SLC4A4: variants seen among roughly 807,000 people sequenced by gnomAD.
SLC4A4 encodes the protein solute carrier family 4 member 4, also known as electrogenic sodium bicarbonate cotransporter 1.
Under a neutral mutation model 111.5 loss-of-function variants are expected in SLC4A4, and 27 were observed. The observed-to-expected ratio is 0.24, with a 90% CI of 0.18 to 0.33. The LOEUF (loss-of-function observed/expected upper bound fraction) is 0.33. Ranked by LOEUF, SLC4A4 falls within the 10% of genes least tolerant of loss-of-function variation. The pLI, the probability that SLC4A4 is intolerant of heterozygous loss-of-function variation, is 1.00. For synonymous variants in SLC4A4, 443 were observed against 463.4 expected (o/e 0.96, Z 0.57); for missense variants, 909 against 1,315.5 (o/e 0.69, Z 4.78).
intron 7 of SLC4A4, among the ~76,000 whole-genome samples, chr4:71,439,351 C>T (rs762351516): frequency 7.2e-5 from 10 of 138,116 alleles, no homozygotes; most frequent in Non-Finnish European, 1.4e-4. Context: ...TCACTTGAAC[C>T]CGGGAGGCAA....
chr4:71,521,154 G>A (rs1732896879), intron 16 of SLC4A4, among the ~76,000 whole-genome samples: 1 of 152,158 alleles, frequency 6.6e-6, no homozygotes, highest in Non-Finnish European at 1.5e-5. Flanking sequence ...CACCACATCT[G>A]GCTCCTTATA....
chr4:71,482,027 T>C (rs1186088790), intron 14 of SLC4A4, among the ~76,000 whole-genome samples: 2 of 151,632 alleles, frequency 1.3e-5, no homozygotes, highest in African/African-American at 2.4e-5. Context: ...AGAATCCTAA[T>C]TAAGGAGATT....
intron 7 of SLC4A4, chr4:71,437,578 T>C (rs1481865175): frequency 5.7e-6 from 3 of 522,340 alleles, no homozygotes; most frequent in Non-Finnish European, 1.2e-5. Context: ...AGGGCTGCCA[T>C]GTTGAAGATC....
chr4:71,544,199 A>G (rs1351480211), intron 18 of SLC4A4, among the ~76,000 whole-genome samples: 1 of 152,026 alleles, frequency 6.6e-6, no homozygotes, highest in African/African-American at 2.4e-5. Flanking sequence ...ACCTAACTTG[A>G]CTTACTTATC....
chr4:71,089,642 T>C (rs1454326999), intron 1 of SLC4A4, among the ~76,000 whole-genome samples: 1 of 152,068 alleles, frequency 6.6e-6, no homozygotes, highest in Non-Finnish European at 1.5e-5. Context: ...GCAGGTCTTT[T>C]GGAGTTTGCT....
At chr4:71,211,798 G>GTA (rs1230151571) in intron 1 of SLC4A4, among the ~76,000 whole-genome samples, 26 of 142,880 alleles carry the variant, frequency 1.8e-4, no homozygotes, top group Non-Finnish European at 9.1e-5. Flanking sequence ...TTTTGTGTGT[G>GTA]AACAGCTTAT....
chr4:71,255,372 T>G lies in SLC4A4; in HGVS notation c.226T>G (p.Ser76Ala). 1 of 1,613,562 alleles carries G rather than the reference T, an allele frequency of 6.2e-7. No individual in the cohort carries two copies. Among genetic ancestry groups the G allele is most frequent in the East Asian group, 2.2e-5 (1 of 44,872 alleles). The change falls in exon 3 of 26, where the codon TCC becomes GCC. Residue 76 changes from serine to alanine, a missense_variant. Ser to Ala is a moderately conservative substitution (Grantham distance 99, BLOSUM62 1). Coordinates refer to ENST00000264485, the MANE Select transcript of SLC4A4 (RefSeq NM_001098484.3). ...DKSDIENADE[S>A]SSSILKPLIS... ...ATCAGATATTGAAAATGCTGATGAA[T>G]CCAGCAGCAGCATCCTAAAACCTCT...
chr4:71,415,353 T>C (rs1457584040), intron 7 of SLC4A4, among the ~76,000 whole-genome samples: 1 of 152,192 alleles, frequency 6.6e-6, no homozygotes, highest in African/African-American at 2.4e-5. Flanking sequence ...TTCCCCTTTT[T>C]TCTAGGATTA....
At chr4:71,084,072 T>A (rs1742075290) in intron 1 of SLC4A4, among the ~76,000 whole-genome samples, 1 of 151,872 alleles carries the variant, frequency 6.6e-6, no homozygotes, top group South Asian at 2.1e-4. Context: ...GAGGAGGGAC[T>A]AGCTACAAAG....
At chr4:71,201,853 A>T (rs1022178110) in intron 1 of SLC4A4, among the ~76,000 whole-genome samples, 3 of 152,256 alleles carry the variant, frequency 2.0e-5, no homozygotes, top group Admixed American at 6.5e-5. Context: ...CAGAAGAAAG[A>T]TGCAAAAGAA....
intron 2 of SLC4A4, among the ~76,000 whole-genome samples, chr4:71,105,388 C>T (rs1742880051): frequency 6.7e-6 from 1 of 149,978 alleles, no homozygotes; most frequent in East Asian, 2.0e-4. Flanking sequence ...ATCAAGCTAC[C>T]AATGACTTTC....
intron 7 of SLC4A4, among the ~76,000 whole-genome samples, chr4:71,421,855 A>G (rs1417377475): frequency 6.6e-6 from 1 of 152,084 alleles, no homozygotes; most frequent in Non-Finnish European, 1.5e-5. Flanking sequence ...AGGGAAATTT[A>G]TAGCACTAAA....
chr4:71,250,011 T>C (rs975970026), intron 2 of SLC4A4, among the ~76,000 whole-genome samples: 18 of 152,206 alleles, frequency 1.2e-4, no homozygotes, highest in African/African-American at 4.1e-4. Flanking sequence ...TGTAGTTTGG[T>C]TTAAGTTTTC....
chr4:71,312,066 AC>A (rs1355442365), intron 3 of SLC4A4, among the ~76,000 whole-genome samples: 3 of 152,156 alleles, frequency 2.0e-5, no homozygotes, highest in African/African-American at 7.2e-5. Context: ...TCAAATAGAC[AC>A]AATAAAAATT....
chr4:71,191,168 G>T (rs150896643), intron 1 of SLC4A4, among the ~76,000 whole-genome samples: 2 of 152,326 alleles, frequency 1.3e-5, no homozygotes, highest in African/African-American at 4.8e-5. Flanking sequence ...TGGTAGGTTA[G>T]GTGTATTAGA....
chr4:71,442,981 T>G (rs908578454), intron 8 of SLC4A4, among the ~76,000 whole-genome samples: 1 of 151,462 alleles, frequency 6.6e-6, no homozygotes, highest in East Asian at 1.9e-4. Flanking sequence ...ACAAACCCTA[T>G]TCTTTGATCT....
At chr4:71,184,598 A>G (rs1316398044), upstream of SLC4A4, among the ~76,000 whole-genome samples, 1 of 152,180 alleles carries the variant, frequency 6.6e-6, no homozygotes, top group Non-Finnish European at 1.5e-5. Flanking sequence ...TTCTAATTCC[A>G]TCAGTTTTTC....
At chr4:71,265,846 A>G (rs535937159) in intron 3 of SLC4A4, among the ~76,000 whole-genome samples, 1 of 152,308 alleles carries the variant, frequency 6.6e-6, no homozygotes, top group South Asian at 2.1e-4. Context: ...TCTTATAGTT[A>G]TGCTAGTCCT....
intron 1 of SLC4A4, among the ~76,000 whole-genome samples, chr4:71,091,214 T>G (rs555305563): frequency 1.1e-4 from 16 of 151,932 alleles, no homozygotes; most frequent in African/African-American, 3.9e-4. Flanking sequence ...TTTCAAAGCA[T>G]TGGGTTTACA....
Sources: allele counts gnomAD v4.1 joint callset (sites outside exome capture counted in the v4.1 genomes callset), GRCh38; gene constraint gnomAD v4.1.1; transcripts MANE v1.5; gene names NCBI Gene and HGNC (gene_info 2026-07-23, HGNC 2026-07-21).